Variants in IL6R observed in about 807,000 individuals in gnomAD.
IL6R encodes interleukin 6 receptor, also known as interleukin-6 receptor subunit alpha.
In IL6R, 38 loss-of-function variants were observed where a neutral mutation model predicts 48.3. That is an observed-to-expected ratio of 0.79 (90% CI 0.61 to 1.03). The LOEUF is 1.03. Ranked by LOEUF, IL6R falls within the 50% of genes least tolerant of loss-of-function variation. The pLI is 0.00. For missense variants in IL6R, 534 were observed against 618.3 expected (o/e 0.86, Z 1.45); for synonymous variants, 264 against 256.2 (o/e 1.03, Z -0.29).
chr1:154,428,557 G>A (rs1405876242), intron 1 of IL6R, among the ~76,000 whole-genome samples: 1 of 152,252 alleles, frequency 6.6e-6, no homozygotes, highest in South Asian at 2.1e-4. Context: ...GTACTCAGCA[G>A]ACTCCTGCCA....
chr1:154,414,651 G>C (rs2149211440), intron 1 of IL6R: 1 of 843,690 alleles, frequency 1.2e-6, no homozygotes, highest in Non-Finnish European at 2.0e-6. Flanking sequence ...AGACGGTGTA[G>C]CTCTTGGCGA....
At chr1:154,444,176 A>G (rs932097827) in intron 6 of IL6R, among the ~76,000 whole-genome samples, 3 of 151,938 alleles carry the variant, frequency 2.0e-5, no homozygotes, top group Non-Finnish European at 4.4e-5. Context: ...AAAATTTCAA[A>G]AACAATTCTG....
At chr1:154,444,354 A>G (rs752369231) in intron 6 of IL6R, among the ~76,000 whole-genome samples, 39 of 152,100 alleles carry the variant, frequency 2.6e-4, no homozygotes, top group Non-Finnish European at 4.7e-4. Flanking sequence ...GATTACAGGC[A>G]TGCGCCATCA....
chr1:154,420,430 A>G (rs1202762606), intron 1 of IL6R, among the ~76,000 whole-genome samples: 4 of 151,994 alleles, frequency 2.6e-5, no homozygotes, highest in Non-Finnish European at 5.9e-5. Flanking sequence ...GACCAGGAAT[A>G]GAACTCAGGT....
At chr1:154,433,327 A>G (rs1689414975) in intron 3 of IL6R, among the ~76,000 whole-genome samples, 1 of 152,162 alleles carries the variant, frequency 6.6e-6, no homozygotes, top group Non-Finnish European at 1.5e-5. Flanking sequence ...TAAGAGGGTG[A>G]AGCCTCAGGT....
At chr1:154,430,382 C>G in intron 2 of IL6R, 101 bp from the exon 3 acceptor site, 1 of 1,463,102 alleles carries the variant, frequency 6.8e-7, no homozygotes, top group African/African-American at 1.4e-5. Flanking sequence ...GCCGAGGGGC[C>G]CAGCCACGTG....
At chr1:154,430,713 T>C (rs1689250206) in intron 3 of IL6R, 107 bp downstream of exon 3, 9 of 1,424,138 alleles carry the variant, frequency 6.3e-6, no homozygotes, top group Admixed American at 2.0e-5. Flanking sequence ...TAGGAATTAA[T>C]TCCTTCAGGC....
intron 3 of IL6R, among the ~76,000 whole-genome samples, chr1:154,431,298 C>T (rs1055016785): frequency 5.3e-5 from 8 of 152,138 alleles, no homozygotes; most frequent in Non-Finnish European, 8.8e-5. Flanking sequence ...TTTTGCTGGT[C>T]TCCATCCCAG....
intron 1 of IL6R, chr1:154,414,674 T>A: frequency 1.2e-6 from 1 of 858,244 alleles, no homozygotes; most frequent in Admixed American, 1.9e-5. Flanking sequence ...ATGTTACCCT[T>A]GGCCAGGAAC....
chr1:154,450,061 C>G, intron 8 of IL6R, 81 bp downstream of exon 8: 1 of 877,144 alleles, frequency 1.1e-6, no homozygotes, highest in Non-Finnish European at 2.0e-6. Context: ...CTTATTTGGA[C>G]ATGTCGTCAG....
intron 8 of IL6R, among the ~76,000 whole-genome samples, chr1:154,452,823 AAT>A: frequency 6.6e-6 from 1 of 151,236 alleles, no homozygotes. Flanking sequence ...AAAAAAAAAA[AAT>A]TCATTTGTCT....
At position 154,465,413 on chromosome 1, in the gene IL6R, TG is replaced by T; in HGVS notation, c.*35del. On this transcript the variant is annotated 3_prime_UTR_variant, in exon 10 of 10. Transcript: ENST00000368485. ...GGTGGCACCAGCAGCCTGGACCCTG[TG>T]GATGATAAAACACAAACGGGCTCAG... 6 of 1,612,262 alleles carry T rather than the reference TG, an allele frequency of 3.7e-6. No individual in the cohort carries two copies. Among genetic ancestry groups the T allele is most frequent in the Non-Finnish European group, 5.1e-6 (6 of 1,178,586 alleles).
chr1:154,417,772 C>T (rs1179400705), intron 1 of IL6R, among the ~76,000 whole-genome samples: 5 of 144,998 alleles, frequency 3.4e-5, no homozygotes, highest in Non-Finnish European at 7.5e-5. Context: ...TGGAGTTTCA[C>T]TCTTGTTGCC....
rs1282520030 is a variant in IL6R at position 154,468,424 on chromosome 1, G to A, written c.*3044G>A. On this transcript the variant is annotated 3_prime_UTR_variant, in exon 10 of 10. Coordinates refer to ENST00000368485, the MANE Select transcript of IL6R (RefSeq NM_000565.4). ...GCTGGGTGGGGAAAGTAAAAAATAT[G>A]CTGGTTCAAGGCCTAAAGTAAAATG... 1 of 152,244 alleles carries A rather than the reference G, an allele frequency of 6.6e-6. No homozygotes were observed. The highest frequency in any genetic ancestry group is 6.5e-5 in the Admixed American group (1 of 15,282). 9.4% of individuals were successfully genotyped at this position (152,244 alleles called of 1,614,324 possible).
In IL6R at chr1:154,451,828, G is replaced by A. The variant is rs147619286; in HGVS notation, c.1066+1848G>A. On this transcript the variant is annotated intron_variant, in intron 8 of 9. Coordinates refer to ENST00000368485, the MANE Select transcript of IL6R (RefSeq NM_000565.4). ...TGGGATTACAGGTGTGAGCCACCGC[G>A]CCTGGCCAGCATTCTCAAATTTAAC... 2.8e-4 allele frequency among the ~76,000 whole-genome samples: 42 copies of A among 152,134 alleles called. No individual in the cohort carries two copies. In the East Asian group the frequency reaches 6.6e-3, roughly 24 times the overall value.
At chr1:154,430,717 TTC>T in intron 3 of IL6R, 111 bp downstream of exon 3, 1 of 1,412,628 alleles carries the variant, frequency 7.1e-7, no homozygotes, top group Non-Finnish European at 9.8e-7. Context: ...AATTAATTCC[TTC>T]AGGCTGAGGA....
chr1:154,420,191 C>G (rs1688575143), intron 1 of IL6R, among the ~76,000 whole-genome samples: 1 of 148,642 alleles, frequency 6.7e-6, no homozygotes, highest in Non-Finnish European at 1.5e-5. Flanking sequence ...CCAAAGCCAT[C>G]AACTATTAAA....
intron 6 of IL6R, among the ~76,000 whole-genome samples, chr1:154,447,556 C>CACATACATATATATACACATACAT: frequency 7.4e-6 from 1 of 135,676 alleles, no homozygotes; most frequent in African/African-American, 2.9e-5. Context: ...TACACATACA[C>CACATACATATATATACACATACAT]ATATATATAT....
At chr1:154,443,237 C>G (rs1324061590) in intron 6 of IL6R, among the ~76,000 whole-genome samples, 1 of 152,188 alleles carries the variant, frequency 6.6e-6, no homozygotes, top group African/African-American at 2.4e-5. Context: ...GAGGGGGTGC[C>G]CTGAAGCCAG....
Sources: allele counts gnomAD v4.1 joint callset (sites outside exome capture counted in the v4.1 genomes callset), GRCh38; gene constraint gnomAD v4.1.1; transcripts MANE v1.5; gene names NCBI Gene and HGNC (gene_info 2026-07-23, HGNC 2026-07-21).